VTA1: variants seen among roughly 807,000 people sequenced by gnomAD.
VTA1 encodes vesicle trafficking 1.
Under a neutral mutation model 36.9 loss-of-function variants are expected in VTA1, and 24 were observed. That is an observed-to-expected ratio of 0.65 (90% CI 0.47 to 0.91). VTA1 has a LOEUF of 0.91. Among genes scored for constraint, VTA1 ranks in the 40% least tolerant of loss-of-function variants. The pLI is 0.00. For missense variants in VTA1, 393 were observed against 377.2 expected (o/e 1.04, Z -0.35); for synonymous variants, 142 against 130.2 (o/e 1.09, Z -0.62).
rs954147135 is a variant in VTA1, at chr6:142,217,769, G to A, written c.779-729G>A. ...AAATGGTGGTTATTTCAAAAGACAA[G>A]ATACAATGTCCATTTTTAATTTTGT... On this transcript the variant is annotated intron_variant, in intron 7 of 7. Coordinates refer to ENST00000367630, the MANE Select transcript of VTA1 (RefSeq NM_016485.5). 2.6e-5 allele frequency among the ~76,000 whole-genome samples: 4 copies of A among 151,586 alleles called. 1 individual carries two copies. Among genetic ancestry groups the A allele is most frequent in the South Asian group, 4.2e-4 (2 of 4,812 alleles).
intron 6 of VTA1, among the ~76,000 whole-genome samples, chr6:142,201,105 A>G (rs1262982180): frequency 2.0e-5 from 3 of 151,768 alleles, no homozygotes; most frequent in African/African-American, 7.3e-5. Context: ...TCAAATTAAA[A>G]CCTACTTTTC....
At chr6:142,171,958 G>T (rs370265122) in intron 4 of VTA1, among the ~76,000 whole-genome samples, 2 of 152,170 alleles carry the variant, frequency 1.3e-5, no homozygotes, top group East Asian at 3.8e-4. Context: ...ATAAGCAGGG[G>T]TTTTGCCAGC....
rs572619678 is a variant in VTA1 at position 142,199,596 on chromosome 6, T to G, written c.697+981T>G. 9.2e-5 allele frequency among the ~76,000 whole-genome samples: 14 copies of G among 152,298 alleles called. No individual in the cohort carries two copies. In the South Asian group the frequency reaches 2.7e-3, roughly 29 times the overall value. On this transcript the variant is annotated intron_variant, in intron 6 of 7. Transcript: ENST00000367630. ...AAATTTTTTTTATTTTACCCAAATTTTGCATGAATTACATTATATGCAAGT... is the reference window on the plus strand; with the variant it reads ...AAATTTTTTTTATTTTACCCAAATTGTGCATGAATTACATTATATGCAAGT...
intron 5 of VTA1, among the ~76,000 whole-genome samples, chr6:142,197,751 T>TTTAAAGAAATGTC (rs1256392396): frequency 1.3e-5 from 2 of 151,916 alleles, no homozygotes; most frequent in African/African-American, 4.8e-5. Context: ...TGTCCTTGAG[T>TTTAAAGAAATGTC]CTTCATAAGT....
chr6:142,189,442 A>G lies in VTA1; in HGVS notation c.428A>G (p.Lys143Arg), dbSNP rs939848196. Residue 143 changes from lysine to arginine, a missense_variant, in exon 5 of 8, where the codon AAG (lysine) becomes AGG (arginine). Physicochemically the swap from Lys to Arg is conservative, Grantham distance 26. Transcript: ENST00000367630. ...CTCTTTTAGAATGTGAAACACAGGAAGTATGCCAGATGGAAGGCAACATAC... is the reference window on the plus strand; with the variant it reads ...CTCTTTTAGAATGTGAAACACAGGAGGTATGCCAGATGGAAGGCAACATAC... ...ELTDENVKHR[K>R]YARWKATYIH... The G allele has an allele frequency of 6.2e-7, 1 of 1,613,844 alleles. No individual in the cohort carries two copies.
chr6:142,186,994 C>T (rs1775353173), intron 4 of VTA1, among the ~76,000 whole-genome samples: 1 of 151,888 alleles, frequency 6.6e-6, no homozygotes, highest in Admixed American at 6.6e-5. Context: ...AAGGGAACTG[C>T]CTCTATTCAT....
At chr6:142,204,337 G>A (rs1342890843) in intron 7 of VTA1, among the ~76,000 whole-genome samples, 1 of 152,092 alleles carries the variant, frequency 6.6e-6, no homozygotes, top group Admixed American at 6.5e-5. Context: ...AACAAACATG[G>A]AGCCAAGGCT....
At chr6:142,180,377 T>C (rs151237894) in intron 4 of VTA1, among the ~76,000 whole-genome samples, 4 of 152,262 alleles carry the variant, frequency 2.6e-5, no homozygotes, top group Non-Finnish European at 4.4e-5. Flanking sequence ...TGATAACTCA[T>C]TGAATAAATT....
At position 142,216,763 on chromosome 6, in the gene VTA1, T is replaced by C. The variant is rs531992641; in HGVS notation, c.779-1735T>C. Among the ~76,000 whole-genome samples, 6 of 152,328 alleles carry C rather than the reference T, an allele frequency of 3.9e-5. No homozygotes were observed. The East Asian group carries it at 7.7e-4, about 20-fold the overall frequency. ...CGTTTTACCTTATTAATAAGTGATA[T>C]GTCAGCCAAACAGTGCTAAAGCTAA... On this transcript the variant is annotated intron_variant, in intron 7 of 7. Coordinates refer to ENST00000367630, the MANE Select transcript of VTA1 (RefSeq NM_016485.5).
Position 142,188,424 on chromosome 6 carries a change from A to T in VTA1, c.412-1002A>T, listed in dbSNP as rs369170683. 6.6e-5 allele frequency among the ~76,000 whole-genome samples: 10 copies of T among 151,770 alleles called. No homozygotes were observed. In the South Asian group the frequency reaches 2.1e-3, roughly 32 times the overall value. On this transcript the variant is annotated intron_variant, in intron 4 of 7. Coordinates refer to ENST00000367630, the MANE Select transcript of VTA1 (RefSeq NM_016485.5). The stretch of plus-strand genomic sequence containing the variant: ...GAAACAGGGTTTCACTGTGTTGGCC[A>T]GGCTGGTCTTGAACTTCTGACCTCA...
At chr6:142,212,053 C>G (rs1339028182) in intron 7 of VTA1, among the ~76,000 whole-genome samples, 1 of 152,204 alleles carries the variant, frequency 6.6e-6, no homozygotes, top group Non-Finnish European at 1.5e-5. Flanking sequence ...CAGAAACTCT[C>G]ATTCATTGCT....
chr6:142,216,297 A>C (rs931380697), intron 7 of VTA1, among the ~76,000 whole-genome samples: 4 of 152,192 alleles, frequency 2.6e-5, no homozygotes, highest in African/African-American at 9.6e-5. Flanking sequence ...AAGACTCATA[A>C]TTAGGTGACA....
In VTA1 at chr6:142,147,320, C is replaced by T. The variant is rs11547598; in HGVS notation, c.33C>T (p.Pro11=). 3.7e-6 allele frequency: 6 copies of T among 1,614,236 alleles called. No homozygotes were observed. Among genetic ancestry groups the T allele is most frequent in the Non-Finnish European group, 3.4e-6 (4 of 1,180,040 alleles). Residue 11 remains proline, a synonymous_variant, in exon 1 of 8, where the codon CCC becomes CCT. Transcript: ENST00000367630. ...CGCTTGCACCGCTGCCCCCGCTCCC[C>T]GCACAGTTCAAGAGCATACAGCATC... MAALAPLPPL[P]AQFKSIQHHL... is the part of the protein sequence containing the mutation.
intron 6 of VTA1, among the ~76,000 whole-genome samples, chr6:142,201,391 A>G (rs1050322301): frequency 6.6e-6 from 1 of 151,930 alleles, no homozygotes; most frequent in Admixed American, 6.6e-5. Context: ...ACTAATTTGC[A>G]GTTTTTAGTT....
At chr6:142,203,907 TG>T in intron 6 of VTA1, 77 bp from the exon 7 acceptor site, 1 of 1,185,088 alleles carries the variant, frequency 8.4e-7, no homozygotes, top group Non-Finnish European at 1.2e-6. Context: ...AATTGCCTCA[TG>T]ATTTTTAAGT....
intron 4 of VTA1, among the ~76,000 whole-genome samples, chr6:142,188,794 A>G (rs2114664378): frequency 1.3e-5 from 2 of 152,306 alleles, no homozygotes; most frequent in African/African-American, 4.8e-5. Context: ...TTAGCATATC[A>G]TGTTACATTA....
intron 6 of VTA1, among the ~76,000 whole-genome samples, chr6:142,201,619 T>C (rs1775686265): frequency 6.6e-6 from 1 of 151,994 alleles, no homozygotes; most frequent in Non-Finnish European, 1.5e-5. Flanking sequence ...AATTATTTTA[T>C]GATTAAAGCT....
At chr6:142,171,111 T>TGA (rs750749963) in intron 4 of VTA1, among the ~76,000 whole-genome samples, 1 of 152,062 alleles carries the variant, frequency 6.6e-6, no homozygotes, top group Non-Finnish European at 1.5e-5. Context: ...TTTTTTTTTT[T>TGA]GAGATGGAAT....
intron 6 of VTA1, among the ~76,000 whole-genome samples, chr6:142,200,526 A>G (rs1235049472): frequency 1.3e-5 from 2 of 152,116 alleles, no homozygotes; most frequent in East Asian, 1.9e-4. Context: ...GGTACACTCT[A>G]TGAGTATACA....
Sources: gnomAD v4.1 joint callset for allele counts (sites outside exome capture counted in the v4.1 genomes callset) on GRCh38, gnomAD v4.1.1 for gene constraint, MANE v1.5 for transcripts, NCBI Gene and HGNC (gene_info 2026-07-23, HGNC 2026-07-21) for gene names.